Variants in GRM7 observed in about 807,000 individuals in gnomAD.
GRM7 encodes the protein glutamate metabotropic receptor 7.
A neutral mutation model predicts 84.5 loss-of-function variants in GRM7; 35 were observed. The observed-to-expected ratio is 0.41, with a 90% CI of 0.32 to 0.55. The LOEUF (loss-of-function observed/expected upper bound fraction) is 0.55, where lower values mean the gene tolerates loss of function less well. Ranked by LOEUF, GRM7 falls within the 20% of genes least tolerant of loss-of-function variation. The probability of loss-of-function intolerance (pLI) is 0.19; values close to 1 mark genes in which losing one functional copy is unlikely to be tolerated. For synonymous variants in GRM7, 487 were observed against 455.1 expected, an observed-to-expected ratio of 1.07 and a Z score of -0.89; for missense variants, 1,003 against 1,194.6, an observed-to-expected ratio of 0.84 and a Z score of 2.36.
In GRM7 at chr3:7,620,440, CTTGGTGA is replaced by C. The variant is rs1339260568; in HGVS notation, c.2451+41084_2451+41090del. 2.6e-5 allele frequency among the ~76,000 whole-genome samples: 4 copies of C among 152,138 alleles called. No homozygotes were observed. The East Asian group carries it at 7.7e-4, about 29-fold the overall frequency. ...GAAAGATTAAATATTAAGTGAATGT[CTTGGTGA>C]ATTATGACTTATAGCCATAGCTATA... On this transcript the variant is annotated intron_variant, in intron 8 of 9. Transcript: ENST00000357716.
chr3:6,957,929 T>C (rs1446415428), intron 1 of GRM7, among the ~76,000 whole-genome samples: 2 of 152,218 alleles, frequency 1.3e-5, no homozygotes, highest in Non-Finnish European at 2.9e-5. Context: ...TGTTATAATA[T>C]AACGTAGAAT....
intron 2 of GRM7, among the ~76,000 whole-genome samples, chr3:7,241,354 G>A (rs1697552011): frequency 6.6e-6 from 1 of 152,050 alleles, no homozygotes; most frequent in African/African-American, 2.4e-5. Flanking sequence ...TTAATGCTAT[G>A]TACATGCCAT....
At chr3:7,674,744 A>G (rs979408443) in intron 8 of GRM7, among the ~76,000 whole-genome samples, 2 of 152,246 alleles carry the variant, frequency 1.3e-5, no homozygotes, top group Admixed American at 1.3e-4. Context: ...GATGGCGGGA[A>G]GCATGCCTGG....
intron 7 of GRM7, 110 bp from the exon 8 acceptor site, chr3:7,578,312 A>G (rs1397886489): frequency 1.4e-6 from 1 of 692,498 alleles, no homozygotes; most frequent in Non-Finnish European, 2.5e-6. Flanking sequence ...TAAACTATTC[A>G]ACCTCATGCC....
At chr3:7,642,891 A>C (rs989874975) in intron 8 of GRM7, among the ~76,000 whole-genome samples, 9 of 152,114 alleles carry the variant, frequency 5.9e-5, no homozygotes, top group Non-Finnish European at 8.8e-5. Context: ...TCATGAATGG[A>C]TCTATGGTCC....
chr3:7,142,458 G>A (rs1420070992), intron 1 of GRM7, among the ~76,000 whole-genome samples: 1 of 152,098 alleles, frequency 6.6e-6, no homozygotes, highest in East Asian at 1.9e-4. Flanking sequence ...GCAGGAAGAA[G>A]TGACAAGCAA....
rs375176897 is a variant in GRM7, at chr3:7,093,833, T to TTTTATAGA, written c.520-52617_520-52610dup. 8.5e-3 allele frequency among the ~76,000 whole-genome samples: 1,292 copies of TTTTATAGA among 152,256 alleles called. 15 individuals carry two copies. The highest frequency in any genetic ancestry group is 0.029 in the African/African-American group (1,222 of 41,534). ...TGAATACTTACTATGTAGTGGAAGC[T>TTTTATAGA]TTTATAGATGTTGTCACCAAGGTTT... On this transcript the variant is annotated intron_variant, in intron 1 of 9. Transcript: ENST00000357716.
chr3:7,578,323 T>A, intron 7 of GRM7, 99 bp from the exon 8 acceptor site: 1 of 738,686 alleles, frequency 1.4e-6, no homozygotes, highest in Non-Finnish European at 2.3e-6. Context: ...ACCTCATGCC[T>A]CATATGTCAC....
At chr3:7,431,864 T>A (rs1316378779) in intron 5 of GRM7, among the ~76,000 whole-genome samples, 1 of 152,228 alleles carries the variant, frequency 6.6e-6, no homozygotes, top group Non-Finnish European at 1.5e-5. Context: ...GACTCCGTTG[T>A]AGAGAAATAA....
intron 7 of GRM7, among the ~76,000 whole-genome samples, chr3:7,530,478 C>T (rs1700994015): frequency 6.6e-6 from 1 of 152,122 alleles, no homozygotes; most frequent in Non-Finnish European, 1.5e-5. Context: ...ATTGCTGGGT[C>T]AAATGGTATT....
intron 5 of GRM7, among the ~76,000 whole-genome samples, chr3:7,419,172 TG>T (rs996953777): frequency 2.6e-5 from 4 of 152,208 alleles, no homozygotes; most frequent in African/African-American, 7.2e-5. Context: ...GAATTTTTAC[TG>T]GGGTGCACAC....
At chr3:6,871,687 C>T (rs17046231) in intron 1 of GRM7, among the ~76,000 whole-genome samples, 10,555 of 151,994 alleles carry the variant, frequency 0.069, 476 homozygotes, top group East Asian at 0.18. Flanking sequence ...AATGCATGAC[C>T]ATGTTGTCTC....
intron 9 of GRM7, among the ~76,000 whole-genome samples, chr3:7,694,928 C>T (rs1438190574): frequency 6.6e-6 from 1 of 152,144 alleles, no homozygotes; most frequent in Non-Finnish European, 1.5e-5. Flanking sequence ...ACAAGCTTCC[C>T]AGTGATTCTG....
rs544285049 is a variant in GRM7, at chr3:6,874,768, T to G, written c.519+12861T>G. Among the ~76,000 whole-genome samples the G allele has an allele frequency of 3.9e-5, 6 of 152,318 alleles. No homozygotes were observed. The East Asian group carries it at 7.7e-4, about 20-fold the overall frequency. The stretch of plus-strand genomic sequence containing the variant: ...CTTCTTGATTTCCATATCTTTCTAT[T>G]CCCTATGACACCCTAGCCTCAGTAC... On this transcript the variant is annotated intron_variant, in intron 1 of 9. Transcript: ENST00000357716.
Position 6,948,877 on chromosome 3 carries a change from C to CCCCTGCCTTTTTGTGTTTTCCAA in GRM7, c.519+86992_519+86993insACCCTGCCTTTTTGTGTTTTCCA, listed in dbSNP as rs1266408837. On this transcript the variant is annotated intron_variant, in intron 1 of 9. Coordinates refer to ENST00000357716, the MANE Select transcript of GRM7 (RefSeq NM_000844.4). ...GTTTTATCCAAGACTAAGATTGCAA[C>CCCCTGCCTTTTTGTGTTTTCCAA]CCCTGCCTTTTTGTGTTTTCCATTT... Among the ~76,000 whole-genome samples, 8 of 152,256 alleles carry CCCCTGCCTTTTTGTGTTTTCCAA rather than the reference C, an allele frequency of 5.3e-5. No homozygotes were observed. In the East Asian group the frequency reaches 1.5e-3, roughly 29 times the overall value.
intron 8 of GRM7, among the ~76,000 whole-genome samples, chr3:7,656,665 A>G (rs900937831): frequency 1.3e-4 from 20 of 151,962 alleles, no homozygotes; most frequent in African/African-American, 4.6e-4. Context: ...GAACATCAGC[A>G]TTCATTTGTA....
intron 8 of GRM7, among the ~76,000 whole-genome samples, chr3:7,599,245 T>G (rs1288138511): frequency 6.6e-6 from 1 of 152,180 alleles, no homozygotes; most frequent in African/African-American, 2.4e-5. Context: ...GTTCTTGATT[T>G]TTTATTGTAA....
At chr3:7,505,503 G>A (rs529957886) in intron 7 of GRM7, among the ~76,000 whole-genome samples, 14 of 152,322 alleles carry the variant, frequency 9.2e-5, no homozygotes, top group South Asian at 4.1e-4. Flanking sequence ...ACAAACCACC[G>A]TGTGGTCTAT....
intron 8 of GRM7, among the ~76,000 whole-genome samples, chr3:7,649,541 C>T (rs553136782): frequency 3.3e-5 from 5 of 152,180 alleles, no homozygotes; most frequent in Admixed American, 2.6e-4. Flanking sequence ...TGTTTTTGCT[C>T]AGTGGTTCAA....
Sources: allele counts gnomAD v4.1 joint callset (sites outside exome capture counted in the v4.1 genomes callset), GRCh38; gene constraint gnomAD v4.1.1; transcripts MANE v1.5; gene names NCBI Gene and HGNC (gene_info 2026-07-23, HGNC 2026-07-21).